The following KCNIP1 variants were observed in gnomAD, a reference collection of about 807,000 sequenced individuals.
KCNIP1 encodes the protein A-type potassium channel modulatory protein KCNIP1.
In KCNIP1, 18 loss-of-function variants were observed where a neutral mutation model predicts 33.0. The observed-to-expected ratio is 0.55, with a 90% CI of 0.38 to 0.81. The LOEUF (loss-of-function observed/expected upper bound fraction) is 0.81. Among genes scored for constraint, KCNIP1 ranks in the 30% least tolerant of loss-of-function variants. KCNIP1 has a pLI of 0.00. For missense variants in KCNIP1, 238 were observed against 271.6 expected, an observed-to-expected ratio of 0.88 and a Z score of 0.87; for synonymous variants, 93 against 98.3, an observed-to-expected ratio of 0.95 and a Z score of 0.32.
chr5:170,542,585 C>T (rs1397016468), intron 1 of KCNIP1, among the ~76,000 whole-genome samples: 2 of 152,182 alleles, frequency 1.3e-5, no homozygotes, highest in Non-Finnish European at 1.5e-5. Context: ...CCCTTATCCA[C>T]AGGGGATATA....
At chr5:170,683,794 G>C (rs561930701) in intron 1 of KCNIP1, among the ~76,000 whole-genome samples, 1 of 150,938 alleles carries the variant, frequency 6.6e-6, no homozygotes, top group Non-Finnish European at 1.5e-5. Context: ...CATGATATCA[G>C]TTCATTGCAA....
intron 1 of KCNIP1, among the ~76,000 whole-genome samples, chr5:170,444,694 T>C (rs576665758): frequency 1.2e-3 from 169 of 142,158 alleles, no homozygotes; most frequent in African/African-American, 4.2e-3. Flanking sequence ...TATTTTTTCT[T>C]TTTTTAAAAA....
rs1212015223 is a variant in KCNIP1, at chr5:170,417,019, G to A, written c.88+63055G>A. 2.0e-5 allele frequency among the ~76,000 whole-genome samples: 3 copies of A among 152,212 alleles called. No homozygotes were observed. In the East Asian group the frequency reaches 5.8e-4, roughly 29 times the overall value. ...CAGCAATTCTACCACTAGGAACTGA[G>A]CCTAAGGAGGTATAAATATTTAGTT... On this transcript the variant is annotated intron_variant, in intron 1 of 7. Coordinates refer to the KCNIP1 transcript ENST00000377360.
At chr5:170,401,142 C>A (rs1754892166) in intron 1 of KCNIP1, among the ~76,000 whole-genome samples, 1 of 152,174 alleles carries the variant, frequency 6.6e-6, no homozygotes, top group Admixed American at 6.5e-5. Flanking sequence ...TCTCTCTGAG[C>A]CAGGACCTTG....
At chr5:170,586,009 C>T (rs1045947720) in intron 1 of KCNIP1, among the ~76,000 whole-genome samples, 1 of 152,180 alleles carries the variant, frequency 6.6e-6, no homozygotes, top group East Asian at 1.9e-4. Context: ...GATGTATCTG[C>T]TTCCAAGTCC....
upstream of KCNIP1, chr5:170,503,953 T>TCGCCCC (rs1401065278): frequency 4.5e-5 from 14 of 312,790 alleles, 1 homozygote; most frequent in South Asian, 1.2e-3. Flanking sequence ...CGTGCAGCCC[T>TCGCCCC]CGCCCCCGCC....
At chr5:170,441,868 C>T (rs999748359) in intron 1 of KCNIP1, among the ~76,000 whole-genome samples, 3 of 142,828 alleles carry the variant, frequency 2.1e-5, no homozygotes, top group Non-Finnish European at 4.5e-5. Flanking sequence ...AGGAGAATGG[C>T]GTGAACCCAG....
intron 1 of KCNIP1, among the ~76,000 whole-genome samples, chr5:170,558,652 A>G (rs1756924209): frequency 6.6e-6 from 1 of 152,192 alleles, no homozygotes; most frequent in South Asian, 2.1e-4. Flanking sequence ...CTGCCGTTCA[A>G]CCCACCTGTA....
At chr5:170,681,000 C>T (rs919501783) in intron 1 of KCNIP1, 8 of 399,008 alleles carry the variant, frequency 2.0e-5, no homozygotes, top group Non-Finnish European at 3.5e-5. Flanking sequence ...GGAAGGGAGG[C>T]TTGGAAGCCT....
intron 1 of KCNIP1, among the ~76,000 whole-genome samples, chr5:170,643,938 G>T (rs883848): frequency 0.37 from 56,382 of 152,080 alleles, 10,686 homozygotes; most frequent in East Asian, 0.5. Context: ...AGTTATACAC[G>T]TTCCTGTTCT....
At chr5:170,604,449 C>A (rs375526495) in intron 1 of KCNIP1, among the ~76,000 whole-genome samples, 1 of 152,176 alleles carries the variant, frequency 6.6e-6, no homozygotes, top group East Asian at 1.9e-4. Context: ...AGATGCCCCA[C>A]TGAGGCTGAG....
intron 1 of KCNIP1, among the ~76,000 whole-genome samples, chr5:170,505,865 A>G (rs1243088576): frequency 1.3e-5 from 2 of 152,200 alleles, no homozygotes; most frequent in African/African-American, 4.8e-5. Context: ...CCTAGAACAT[A>G]GGAAGAGGCT....
chr5:170,518,160 CAGT>C (rs1344513590), intron 1 of KCNIP1, among the ~76,000 whole-genome samples: 10 of 151,468 alleles, frequency 6.6e-5, no homozygotes, highest in Admixed American at 2.0e-4. Context: ...ATGGTGGTGA[CAGT>C]GGTGATTATA....
At chr5:170,674,189 G>T (rs139355173) in intron 1 of KCNIP1, among the ~76,000 whole-genome samples, 1 of 100,872 alleles carries the variant, frequency 9.9e-6, no homozygotes, top group African/African-American at 5.7e-5. Flanking sequence ...GGAAGGGAGG[G>T]AGGGAGGGAG....
chr5:170,616,949 T>C (rs911633371), intron 1 of KCNIP1, among the ~76,000 whole-genome samples: 1 of 152,046 alleles, frequency 6.6e-6, no homozygotes, highest in African/African-American at 2.4e-5. Context: ...CTCTGCTCTT[T>C]GATTTTCCCT....
chr5:170,549,048 T>A (rs1179928930), intron 1 of KCNIP1, among the ~76,000 whole-genome samples: 1 of 152,052 alleles, frequency 6.6e-6, no homozygotes, highest in Non-Finnish European at 1.5e-5. Context: ...TCTGCTTGGC[T>A]TCTGAACACC....
intron 1 of KCNIP1, among the ~76,000 whole-genome samples, chr5:170,634,049 G>A (rs796784253): frequency 2.0e-5 from 3 of 152,028 alleles, no homozygotes; most frequent in African/African-American, 7.3e-5. Context: ...TGTGAAAATG[G>A]AGCCAGCGGG....
chr5:170,537,021 G>A (rs148540561), intron 1 of KCNIP1, among the ~76,000 whole-genome samples: 5 of 152,284 alleles, frequency 3.3e-5, no homozygotes, highest in East Asian at 1.9e-4. Context: ...AAAGTGAAAC[G>A]AGGGTTCGTT....
intron 1 of KCNIP1, among the ~76,000 whole-genome samples, chr5:170,687,552 CT>C (rs35351366): frequency 6.6e-6 from 1 of 152,152 alleles, no homozygotes; most frequent in Non-Finnish European, 1.5e-5. Flanking sequence ...CTGTTGGTTG[CT>C]TTTAAGTTTG....
Sources: allele counts gnomAD v4.1 joint callset (sites outside exome capture counted in the v4.1 genomes callset), GRCh38; gene constraint gnomAD v4.1.1; transcripts MANE v1.5; gene names NCBI Gene and HGNC (gene_info 2026-07-23, HGNC 2026-07-21).